The following WWTR1 variants were observed in gnomAD, a reference collection of about 807,000 sequenced individuals.
The protein encoded by WWTR1 is WW domain-containing transcription regulator protein 1.
Under a neutral mutation model 40.1 loss-of-function variants are expected in WWTR1, and 13 were observed. The ratio of observed to expected loss-of-function variants is 0.32; its 90% confidence interval spans 0.21 to 0.52. The LOEUF (loss-of-function observed/expected upper bound fraction) is 0.52, where lower values mean the gene tolerates loss of function less well. Ranked by LOEUF, WWTR1 falls within the 20% of genes least tolerant of loss-of-function variation. The probability of loss-of-function intolerance (pLI) is 0.97; values close to 1 mark genes in which losing one functional copy is unlikely to be tolerated. For missense variants in WWTR1, 436 were observed against 523.1 expected (o/e 0.83, Z 1.63); for synonymous variants, 230 against 210.1 (o/e 1.09, Z -0.82).
At chr3:149,706,610 T>C (rs1272183146), upstream of WWTR1, among the ~76,000 whole-genome samples, 2 of 152,096 alleles carry the variant, frequency 1.3e-5, no homozygotes, top group African/African-American at 4.8e-5. Flanking sequence ...TTGGCCACCA[T>C]GCCTGGCCAA....
At chr3:149,537,508 G>T (rs1416281997) in intron 4 of WWTR1, among the ~76,000 whole-genome samples, 1 of 152,166 alleles carries the variant, frequency 6.6e-6, no homozygotes, top group Non-Finnish European at 1.5e-5. Context: ...CTTCTTTGTT[G>T]TTTAGTATTT....
At chr3:149,598,753 AT>A (rs1289054757) in intron 2 of WWTR1, among the ~76,000 whole-genome samples, 4 of 152,110 alleles carry the variant, frequency 2.6e-5, no homozygotes, top group African/African-American at 7.2e-5. Flanking sequence ...AGATATTTAT[AT>A]TTTTCTTTAT....
chr3:149,528,714 A>G (rs1231796139), intron 4 of WWTR1, among the ~76,000 whole-genome samples: 1 of 152,080 alleles, frequency 6.6e-6, no homozygotes, highest in African/African-American at 2.4e-5. Context: ...GACTAAAGTG[A>G]GCAGAGATCA....
intron 1 of WWTR1, among the ~76,000 whole-genome samples, chr3:149,700,023 G>A (rs998307417): frequency 1.3e-5 from 2 of 152,196 alleles, no homozygotes; most frequent in South Asian, 2.1e-4. Context: ...ACTGGCTCAC[G>A]GTTCTGCTGA....
intron 2 of WWTR1, among the ~76,000 whole-genome samples, chr3:149,615,560 T>C (rs1739933663): frequency 6.6e-6 from 1 of 152,186 alleles, no homozygotes; most frequent in Non-Finnish European, 1.5e-5. Flanking sequence ...TCATTGTGAA[T>C]ATATATTGCT....
chr3:149,653,187 T>C lies in WWTR1; in HGVS notation c.431+3689A>G, dbSNP rs59849371. The stretch of plus-strand genomic sequence containing the variant: ...GCGAAAGAGTAAAGATGGGAAATTC[T>C]ACTGAAGCTAGATAACTTTCTTCTT... On this transcript the variant is annotated intron_variant, in intron 2 of 6. Coordinates refer to ENST00000360632, the MANE Select transcript of WWTR1 (RefSeq NM_015472.6). Among the ~76,000 whole-genome samples the C allele has an allele frequency of 9.7e-3, 1,485 of 152,386 alleles. 26 individuals carry two copies. The highest frequency in any genetic ancestry group is 0.034 in the African/African-American group (1,402 of 41,594).
At position 149,575,096 on chromosome 3, in the gene WWTR1, C is replaced by A. The variant is rs537944875; in HGVS notation, c.432-2096G>T. Reference sequence around the variant, plus strand: ...GCAGCAGAGTGAGACTCCATCCCCCCCAAAAAAAAAAGATGGGGAAATACT... The same window carrying A: ...GCAGCAGAGTGAGACTCCATCCCCCACAAAAAAAAAAGATGGGGAAATACT... On this transcript the variant is annotated intron_variant, in intron 2 of 6. Coordinates refer to ENST00000360632, the MANE Select transcript of WWTR1 (RefSeq NM_015472.6). Among the ~76,000 whole-genome samples, 21 of 149,090 alleles carry A rather than the reference C, an allele frequency of 1.4e-4. No individual in the cohort carries two copies. The East Asian group carries it at 1.9e-3, about 14-fold the overall frequency.
At chr3:149,522,434 T>C (rs948986756) in intron 6 of WWTR1, among the ~76,000 whole-genome samples, 1 of 152,214 alleles carries the variant, frequency 6.6e-6, no homozygotes, top group Non-Finnish European at 1.5e-5. Flanking sequence ...TTACAGTATT[T>C]TCATTGCAAA....
intron 1 of WWTR1, among the ~76,000 whole-genome samples, chr3:149,694,866 T>C (rs1714933842): frequency 6.6e-6 from 1 of 152,240 alleles, no homozygotes; most frequent in African/African-American, 2.4e-5. Context: ...CACTCCATGT[T>C]CACTGCAGCA....
At chr3:149,659,706 T>C (rs1713484154), upstream of WWTR1, 1 of 152,078 alleles carries the variant, frequency 6.6e-6, no homozygotes, top group African/African-American at 2.4e-5. Flanking sequence ...GAGAAAAGTT[T>C]AAGGAAAAGA....
chr3:149,698,445 A>G (rs1045790161), intron 1 of WWTR1, among the ~76,000 whole-genome samples: 2 of 152,212 alleles, frequency 1.3e-5, no homozygotes. Flanking sequence ...TGAGTCAATT[A>G]AACCTCTTTC....
intron 2 of WWTR1, among the ~76,000 whole-genome samples, chr3:149,575,683 C>T (rs145117570): frequency 5.9e-5 from 9 of 152,262 alleles, no homozygotes; most frequent in African/African-American, 9.6e-5. Context: ...CCTAAATGCT[C>T]GTCCCCCACT....
chr3:149,638,216 A>G (rs1711947041), intron 2 of WWTR1, among the ~76,000 whole-genome samples: 2 of 152,146 alleles, frequency 1.3e-5, no homozygotes, highest in South Asian at 4.2e-4. Context: ...AACTTTGTCA[A>G]AAAAAGAAAG....
At chr3:149,701,132 CTTTCTTTTTTTTTCT>C (rs1338310375) in intron 1 of WWTR1, among the ~76,000 whole-genome samples, 1 of 151,948 alleles carries the variant, frequency 6.6e-6, no homozygotes, top group Non-Finnish European at 1.5e-5. Context: ...TTTTAAAAGC[CTTTCTTTTTTTTTCT>C]TTTCTTTTTT....
chr3:149,637,748 G>A (rs1006612591), intron 2 of WWTR1, among the ~76,000 whole-genome samples: 2 of 152,180 alleles, frequency 1.3e-5, no homozygotes, highest in African/African-American at 4.8e-5. Flanking sequence ...TTACTATGGG[G>A]ATCTGGAGTA....
At chr3:149,718,177 C>T (rs527814483) in intron 4 of WWTR1, among the ~76,000 whole-genome samples, 1 of 152,182 alleles carries the variant, frequency 6.6e-6, no homozygotes, top group South Asian at 2.1e-4. Flanking sequence ...CCATAGTGTC[C>T]CATCTTCTCA....
At chr3:149,607,605 C>T (rs560109418) in intron 2 of WWTR1, among the ~76,000 whole-genome samples, 106 of 152,336 alleles carry the variant, frequency 7.0e-4, no homozygotes, top group African/African-American at 2.5e-3. Context: ...TGAGCCACTG[C>T]ACCCAGCCTT....
chr3:149,684,235 TG>T, intron 1 of WWTR1, among the ~76,000 whole-genome samples: 1 of 152,032 alleles, frequency 6.6e-6, no homozygotes, highest in South Asian at 2.1e-4. Flanking sequence ...TTGCCCAGGG[TG>T]GTCTTGAGTT....
At chr3:149,603,439 G>A (rs141349651) in intron 2 of WWTR1, among the ~76,000 whole-genome samples, 1 of 152,118 alleles carries the variant, frequency 6.6e-6, no homozygotes, top group East Asian at 1.9e-4. Flanking sequence ...AAATACAAGG[G>A]GAATTACATA....
Sources: gnomAD v4.1 joint callset for allele counts (sites outside exome capture counted in the v4.1 genomes callset) on GRCh38, gnomAD v4.1.1 for gene constraint, MANE v1.5 for transcripts, NCBI Gene and HGNC (gene_info 2026-07-23, HGNC 2026-07-21) for gene names.